CADM2: variants seen among roughly 807,000 people sequenced by gnomAD.
CADM2 encodes the protein immunoglobulin superfamily member 4D.
A neutral mutation model predicts 49.8 loss-of-function variants in CADM2; 12 were observed. That is an observed-to-expected ratio of 0.24 (90% CI 0.15 to 0.39). The LOEUF is 0.39. Among genes scored for constraint, CADM2 ranks in the 10% least tolerant of loss-of-function variants. The pLI is 1.00. For synonymous variants in CADM2, 214 were observed against 175.4 expected, an observed-to-expected ratio of 1.22 and a Z score of -1.74; for missense variants, 378 against 492.3, an observed-to-expected ratio of 0.77 and a Z score of 2.20.
intron 1 of CADM2, among the ~76,000 whole-genome samples, chr3:85,207,954 G>A (rs1280694280): frequency 6.6e-6 from 1 of 152,060 alleles, no homozygotes; most frequent in East Asian, 1.9e-4. Context: ...ATTGCAGTTA[G>A]ATACATGTAT....
At chr3:85,380,053 CAA>C (rs1476224327) in intron 1 of CADM2, among the ~76,000 whole-genome samples, 2 of 152,026 alleles carry the variant, frequency 1.3e-5, no homozygotes, top group Non-Finnish European at 2.9e-5. Flanking sequence ...GATATCTTTT[CAA>C]AGAGTAGAGT....
At chr3:85,755,814 C>T (rs905175707) in intron 2 of CADM2, among the ~76,000 whole-genome samples, 3 of 152,150 alleles carry the variant, frequency 2.0e-5, no homozygotes, top group Admixed American at 6.5e-5. Flanking sequence ...CCAGGTCCCT[C>T]CTCCAACACC....
intron 1 of CADM2, among the ~76,000 whole-genome samples, chr3:85,374,451 T>C (rs2033466815): frequency 6.6e-6 from 1 of 152,168 alleles, no homozygotes; most frequent in South Asian, 2.1e-4. Flanking sequence ...CTTTCCCTTG[T>C]CTAGCTGTTT....
At chr3:85,580,546 A>G (rs544811011) in intron 1 of CADM2, among the ~76,000 whole-genome samples, 12 of 152,278 alleles carry the variant, frequency 7.9e-5, no homozygotes, top group African/African-American at 2.9e-4. Context: ...TTAGCATTGC[A>G]TAAATTACTA....
chr3:85,085,762 C>G (rs185985735), intron 1 of CADM2, among the ~76,000 whole-genome samples: 2 of 152,064 alleles, frequency 1.3e-5, no homozygotes, highest in East Asian at 1.9e-4. Flanking sequence ...ATATATATAA[C>G]GAGTTGACCC....
At chr3:85,167,651 A>G (rs2040505819) in intron 1 of CADM2, among the ~76,000 whole-genome samples, 1 of 152,194 alleles carries the variant, frequency 6.6e-6, no homozygotes. Context: ...TACTTTCTCC[A>G]TTGATTTTAT....
At chr3:85,636,598 C>G (rs1346392575) in intron 1 of CADM2, among the ~76,000 whole-genome samples, 1 of 152,100 alleles carries the variant, frequency 6.6e-6, no homozygotes, top group Non-Finnish European at 1.5e-5. Flanking sequence ...ACAAGAATGT[C>G]TTAAGCCTTC....
intron 1 of CADM2, among the ~76,000 whole-genome samples, chr3:85,584,151 T>G (rs1196827453): frequency 6.6e-6 from 1 of 152,082 alleles, no homozygotes; most frequent in Non-Finnish European, 1.5e-5. Flanking sequence ...CTTTTACATA[T>G]ACATATAAAC....
At chr3:85,839,040 TC>T (rs2108257580) in intron 3 of CADM2, among the ~76,000 whole-genome samples, 1 of 151,918 alleles carries the variant, frequency 6.6e-6, no homozygotes, top group South Asian at 2.1e-4. Flanking sequence ...CAAGCCCCTC[TC>T]TTTAACATAT....
At chr3:85,104,772 A>G (rs1266432421) in intron 1 of CADM2, among the ~76,000 whole-genome samples, 1 of 152,126 alleles carries the variant, frequency 6.6e-6, no homozygotes, top group Non-Finnish European at 1.5e-5. Context: ...GTTCTCCTTA[A>G]TGAGGTCCTT....
chr3:85,502,671 T>C (rs1169380461), intron 1 of CADM2, among the ~76,000 whole-genome samples: 1 of 152,128 alleles, frequency 6.6e-6, no homozygotes. Context: ...TCTGACAGAT[T>C]ATGATGAATT....
intron 8 of CADM2, among the ~76,000 whole-genome samples, chr3:85,980,956 C>T (rs1181727849): frequency 6.6e-6 from 1 of 151,056 alleles, no homozygotes; most frequent in Admixed American, 6.6e-5. Context: ...GGTGTTATGC[C>T]AGGACCTAAA....
At chr3:86,064,949 C>A (rs977908837) in intron 8 of CADM2, among the ~76,000 whole-genome samples, 1 of 152,140 alleles carries the variant, frequency 6.6e-6, no homozygotes, top group Non-Finnish European at 1.5e-5. Flanking sequence ...AGTCTCAACC[C>A]CTGCTTTCCC....
At chr3:85,487,242 C>CA (rs1251687573) in intron 1 of CADM2, among the ~76,000 whole-genome samples, 2 of 152,160 alleles carry the variant, frequency 1.3e-5, no homozygotes, top group Admixed American at 1.3e-4. Context: ...CGGCTGGGCA[C>CA]AGTGGCTCAT....
chr3:85,461,811 C>G (rs1402083465), intron 1 of CADM2, among the ~76,000 whole-genome samples: 1 of 152,174 alleles, frequency 6.6e-6, no homozygotes, highest in African/African-American at 2.4e-5. Context: ...GTCCTATCAT[C>G]TATTGCTATC....
At chr3:85,791,987 T>C (rs1208045517) in intron 2 of CADM2, among the ~76,000 whole-genome samples, 1 of 152,148 alleles carries the variant, frequency 6.6e-6, no homozygotes, top group Non-Finnish European at 1.5e-5. Flanking sequence ...CCTCCCAAAG[T>C]GCTGGGATTA....
At chr3:85,405,713 T>C (rs962158972) in intron 1 of CADM2, among the ~76,000 whole-genome samples, 1 of 152,018 alleles carries the variant, frequency 6.6e-6, no homozygotes, top group African/African-American at 2.4e-5. Flanking sequence ...TTTTTTTAAA[T>C]TTTAATTTTA....
intron 1 of CADM2, among the ~76,000 whole-genome samples, chr3:85,188,088 A>C (rs1472235306): frequency 6.6e-6 from 1 of 152,118 alleles, no homozygotes; most frequent in Non-Finnish European, 1.5e-5. Flanking sequence ...ATATTAACTT[A>C]TATGTTAAAT....
At chr3:85,140,352 TG>T (rs1369209380) in intron 1 of CADM2, among the ~76,000 whole-genome samples, 1 of 152,190 alleles carries the variant, frequency 6.6e-6, no homozygotes, top group Non-Finnish European at 1.5e-5. Context: ...GGGGTAAATG[TG>T]GTTTCTTTAT....
Sources: allele counts gnomAD v4.1 joint callset (sites outside exome capture counted in the v4.1 genomes callset), GRCh38; gene constraint gnomAD v4.1.1; transcripts MANE v1.5; gene names NCBI Gene and HGNC (gene_info 2026-07-23, HGNC 2026-07-21).